The following HS1BP3 variants were observed in gnomAD, a reference collection of about 807,000 sequenced individuals.
HS1BP3 encodes HCLS1 binding protein 3.
A neutral mutation model predicts 33.5 loss-of-function variants in HS1BP3; 32 were observed. The observed-to-expected ratio is 0.95, with a 90% CI of 0.72 to 1.28. The LOEUF is 1.28. HS1BP3 is among the 50% of genes most tolerant of loss of function. The probability of loss-of-function intolerance (pLI) is 0.00; values close to 1 mark genes in which losing one functional copy is unlikely to be tolerated. For missense variants in HS1BP3, 486 were observed against 502.3 expected (o/e 0.97, Z 0.31); for synonymous variants, 187 against 209.2 (o/e 0.89, Z 0.92).
At chr2:20,578,228 G>A (rs959822678) in intron 5 of HS1BP3, among the ~76,000 whole-genome samples, 1 of 152,320 alleles carries the variant, frequency 6.6e-6, no homozygotes, top group African/African-American at 2.4e-5. Context: ...CCAGTGCCTA[G>A]CGTCCTACCT....
chr2:20,570,587 T>A (rs1387294818), intron 5 of HS1BP3, among the ~76,000 whole-genome samples: 1 of 152,160 alleles, frequency 6.6e-6, no homozygotes, highest in Non-Finnish European at 1.5e-5. Flanking sequence ...GATGGGTAAA[T>A]GTCTAATTGC....
intron 4 of HS1BP3, among the ~76,000 whole-genome samples, chr2:20,632,668 G>C (rs1401378097): frequency 6.6e-6 from 1 of 152,198 alleles, no homozygotes; most frequent in East Asian, 1.9e-4. Context: ...GGAGCCTGAG[G>C]CGGGAAAATG....
chr2:20,593,248 T>C (rs1402829079), intron 3 of HS1BP3, among the ~76,000 whole-genome samples: 1 of 152,150 alleles, frequency 6.6e-6, no homozygotes, highest in Non-Finnish European at 1.5e-5. Context: ...ACTTGCAACC[T>C]TCCCGGAACA....
intron 5 of HS1BP3, among the ~76,000 whole-genome samples, chr2:20,587,419 C>A (rs1053107467): frequency 6.6e-6 from 1 of 152,316 alleles, no homozygotes; most frequent in Middle Eastern, 3.4e-3. Flanking sequence ...CCATCCCCTG[C>A]TCTCCTGAGG....
chr2:20,629,942 G>C (rs931325743), intron 4 of HS1BP3, among the ~76,000 whole-genome samples: 1 of 152,216 alleles, frequency 6.6e-6, no homozygotes, highest in South Asian at 2.1e-4. Flanking sequence ...CCACCACTCT[G>C]GCCACCCAGG....
At chr2:20,626,953 C>A (rs1694804063) in intron 4 of HS1BP3, among the ~76,000 whole-genome samples, 1 of 152,200 alleles carries the variant, frequency 6.6e-6, no homozygotes, top group African/African-American at 2.4e-5. Flanking sequence ...AAACAAGGGC[C>A]ATGGCCTCCT....
At chr2:20,615,309 T>C (rs1426376419), downstream of HS1BP3, among the ~76,000 whole-genome samples, 1 of 152,206 alleles carries the variant, frequency 6.6e-6, no homozygotes, top group East Asian at 1.9e-4. Flanking sequence ...TGGCTGCTGC[T>C]TCACAGGATG....
intron 5 of HS1BP3, among the ~76,000 whole-genome samples, chr2:20,578,054 C>T (rs1001960001): frequency 2.6e-5 from 4 of 152,222 alleles, no homozygotes; most frequent in East Asian, 1.9e-4. Flanking sequence ...ATGATCCAGC[C>T]GGCTGGGGAC....
chr2:20,629,959 G>A (rs1382533509), intron 4 of HS1BP3, among the ~76,000 whole-genome samples: 1 of 152,246 alleles, frequency 6.6e-6, no homozygotes, highest in African/African-American at 2.4e-5. Flanking sequence ...CAGGGGGCCT[G>A]TGGCACCATT....
chr2:20,627,604 T>A (rs1694826724), intron 4 of HS1BP3, among the ~76,000 whole-genome samples: 1 of 152,162 alleles, frequency 6.6e-6, no homozygotes, highest in African/African-American at 2.4e-5. Context: ...TAGAGACATG[T>A]TTGCCCTTTT....
At chr2:20,571,585 G>T (rs1194190323) in intron 5 of HS1BP3, among the ~76,000 whole-genome samples, 1 of 152,202 alleles carries the variant, frequency 6.6e-6, no homozygotes, top group Non-Finnish European at 1.5e-5. Context: ...CGGATGCCTG[G>T]TATTGGTCCT....
intron 4 of HS1BP3, chr2:20,636,477 C>T (rs984218166): frequency 2.0e-5 from 3 of 152,300 alleles, no homozygotes; most frequent in Non-Finnish European, 2.9e-5. Flanking sequence ...GGACGAACCA[C>T]CTGACCCTGA....
chr2:20,593,452 G>A (rs1462827755), intron 3 of HS1BP3, among the ~76,000 whole-genome samples: 3 of 152,226 alleles, frequency 2.0e-5, no homozygotes, highest in African/African-American at 7.2e-5. Context: ...GAATGAATGA[G>A]TGAATGAATG....
intron 5 of HS1BP3, among the ~76,000 whole-genome samples, chr2:20,564,183 G>T (rs1236087706): frequency 6.6e-6 from 1 of 152,206 alleles, no homozygotes; most frequent in African/African-American, 2.4e-5. Context: ...CTCTTCCTCA[G>T]GCTGGAAACC....
intron 4 of HS1BP3, among the ~76,000 whole-genome samples, chr2:20,633,967 C>G (rs1042977897): frequency 6.6e-6 from 1 of 152,234 alleles, no homozygotes; most frequent in Non-Finnish European, 1.5e-5. Context: ...GGCTTTGGGT[C>G]CCCAGCCAGG....
At chr2:20,565,846 G>T (rs565620840) in intron 5 of HS1BP3, among the ~76,000 whole-genome samples, 2 of 152,192 alleles carry the variant, frequency 1.3e-5, no homozygotes, top group East Asian at 3.9e-4. Context: ...TGGAGCCTGC[G>T]CAGTGAGATG....
At chr2:20,634,238 T>C (rs1229185868) in intron 4 of HS1BP3, among the ~76,000 whole-genome samples, 2 of 152,264 alleles carry the variant, frequency 1.3e-5, no homozygotes, top group African/African-American at 4.8e-5. Context: ...ACCTGTTTCC[T>C]TTCTGGCATT....
At chr2:20,627,860 C>G (rs1383456626) in intron 4 of HS1BP3, among the ~76,000 whole-genome samples, 1 of 152,190 alleles carries the variant, frequency 6.6e-6, no homozygotes, top group African/African-American at 2.4e-5. Context: ...AGTAATGTGC[C>G]TGGTCCATAA....
In HS1BP3 at chr2:20,638,536, G is replaced by A. The variant is rs1695234529; in HGVS notation, c.523C>T (p.Gln175Ter). The A allele has an allele frequency of 6.2e-7, 1 of 1,614,194 alleles. No individual in the cohort carries two copies. The highest frequency in any genetic ancestry group is 1.3e-5 in the African/African-American group (1 of 75,052). The change falls in exon 4 of 7, where the codon CAA becomes TAA. Residue 175 changes from glutamine (Q) to a stop codon, truncating the protein, a stop_gained. Transcript: ENST00000304031. LOFTEE classifies it high-confidence loss of function. ...EAFDFFEEQD[Q>*]VAEEGPPVQS... ...ACGGGCGGACCCTCTTCTGCCACTT[G>A]GTCTTGCTCCTCAAAAAAGTCGAAA...
Sources: gnomAD v4.1 joint callset for allele counts (sites outside exome capture counted in the v4.1 genomes callset) on GRCh38, gnomAD v4.1.1 for gene constraint, MANE v1.5 for transcripts, NCBI Gene and HGNC (gene_info 2026-07-23, HGNC 2026-07-21) for gene names.